Variants in TBC1D32 observed in about 807,000 individuals in gnomAD.
TBC1D32 encodes the protein protein broad-minded.
In TBC1D32, 151 loss-of-function variants were observed where a neutral mutation model predicts 170.3. That is an observed-to-expected ratio of 0.89 (90% confidence interval 0.78 to 1.01). The LOEUF (loss-of-function observed/expected upper bound fraction) is 1.01, where lower values mean the gene tolerates loss of function less well. TBC1D32 is among the 50% of genes least tolerant of loss of function. The pLI is 0.00. For synonymous variants in TBC1D32, 498 were observed against 488.0 expected (o/e 1.02, Z -0.27); for missense variants, 1,464 against 1,457.1 (o/e 1.00, Z -0.08).
chr6:121,210,042 GA>G (rs1054517514), intron 21 of TBC1D32, among the ~76,000 whole-genome samples: 3 of 152,168 alleles, frequency 2.0e-5, no homozygotes, highest in African/African-American at 7.2e-5. Flanking sequence ...TATATTAAAG[GA>G]AAAGGGTATT....
In TBC1D32 at chr6:121,160,938, C is replaced by A. The variant is rs761659341; in HGVS notation, c.2679+10G>T. ...AAAACACATCCCACTTCTCTTTGCC[C>A]CACACTCACCTTTTCGAGTAACCTC... On this transcript the variant is annotated intron_variant, in intron 23 of 31. Transcript: ENST00000398212. 21 of 1,606,360 alleles carry A rather than the reference C, an allele frequency of 1.3e-5. No individual in the cohort carries two copies. The highest frequency in any genetic ancestry group is 2.6e-6 in the Non-Finnish European group (3 of 1,173,288).
intron 8 of TBC1D32, 83 bp from the exon 9 acceptor site, chr6:121,303,844 T>C (rs1806899918): frequency 5.2e-6 from 5 of 965,518 alleles, no homozygotes; most frequent in Non-Finnish European, 7.1e-6. Flanking sequence ...TAAAGTAGCA[T>C]ATAATCTTCA....
intron 27 of TBC1D32, 97 bp from the exon 28 acceptor site, chr6:121,113,274 T>C (rs1779371624): frequency 1.5e-6 from 1 of 686,470 alleles, no homozygotes; most frequent in Non-Finnish European, 2.4e-6. Context: ...ACAGAGCACT[T>C]ATGAAAGATT....
At position 121,242,198 on chromosome 6, in the gene TBC1D32, T is replaced by A. The variant is rs935451898; in HGVS notation, c.2157+3A>T. ...TTTGCCTTTGGCAGATGGTAATTCA[T>A]ACCTGTAATTTTTTTGCATATCGAT... On this transcript the variant is annotated splice_donor_region_variant and intron_variant, in intron 18 of 31. Coordinates refer to ENST00000398212, the MANE Select transcript of TBC1D32 (RefSeq NM_152730.6). 4 of 1,610,396 alleles carry A rather than the reference T, an allele frequency of 2.5e-6. No individual in the cohort carries two copies. In the Admixed American group the frequency reaches 5.0e-5, roughly 20 times the overall value.
chr6:121,269,528 A>T (rs1455821478), intron 15 of TBC1D32, among the ~76,000 whole-genome samples: 1 of 152,186 alleles, frequency 6.6e-6, no homozygotes, highest in African/African-American at 2.4e-5. Context: ...ACATTACATA[A>T]TGGTAAAGGG....
chr6:121,097,268 G>A (rs975999212), intron 30 of TBC1D32, among the ~76,000 whole-genome samples: 1 of 152,028 alleles, frequency 6.6e-6, no homozygotes, highest in African/African-American at 2.4e-5. Context: ...GCAACCTACA[G>A]AATGGGAAAA....
intron 24 of TBC1D32, among the ~76,000 whole-genome samples, chr6:121,157,998 A>G (rs970931307): frequency 6.6e-6 from 1 of 151,982 alleles, no homozygotes; most frequent in Non-Finnish European, 1.5e-5. Flanking sequence ...GTCATCCTGT[A>G]TAGTATCTTG....
At chr6:121,095,909 C>T (rs1236841466) in intron 30 of TBC1D32, 1 of 152,118 alleles carries the variant, frequency 6.6e-6, no homozygotes, top group African/African-American at 2.4e-5. Flanking sequence ...GTGTGTGTCT[C>T]TGCCAGGTTT....
chr6:121,144,473 T>C (rs900429426), intron 24 of TBC1D32, among the ~76,000 whole-genome samples: 8 of 152,108 alleles, frequency 5.3e-5, no homozygotes, highest in African/African-American at 1.9e-4. Flanking sequence ...AGATTAGATG[T>C]GGGGTATAAA....
chr6:121,300,447 A>G (rs540601641), intron 9 of TBC1D32, among the ~76,000 whole-genome samples: 9 of 152,038 alleles, frequency 5.9e-5, no homozygotes, highest in African/African-American at 2.2e-4. Context: ...ACTCCATCTC[A>G]AAAAAAAGAA....
intron 4 of TBC1D32, among the ~76,000 whole-genome samples, chr6:121,310,452 T>C (rs1281472406): frequency 6.6e-6 from 1 of 152,094 alleles, no homozygotes; most frequent in African/African-American, 2.4e-5. Flanking sequence ...ATCTTTTTCT[T>C]AAGAAATGAC....
At chr6:121,183,669 TAA>T (rs1486965742) in intron 22 of TBC1D32, among the ~76,000 whole-genome samples, 1 of 152,112 alleles carries the variant, frequency 6.6e-6, no homozygotes, top group Non-Finnish European at 1.5e-5. Flanking sequence ...CTTTTTGTAA[TAA>T]GTGAATTAAA....
intron 26 of TBC1D32, 178 bp from the exon 27 acceptor site, chr6:121,115,419 CTTTTTACAAATAACT>C (rs1779595129): frequency 1.6e-5 from 7 of 433,236 alleles, no homozygotes; most frequent in Non-Finnish European, 2.8e-5. Flanking sequence ...TAACAGAAAA[CTTTTTACAAATAACT>C]TTTTCCCATA....
At chr6:121,146,685 CTAT>C (rs1783492131) in intron 24 of TBC1D32, among the ~76,000 whole-genome samples, 1 of 152,102 alleles carries the variant, frequency 6.6e-6, no homozygotes, top group Non-Finnish European at 1.5e-5. Context: ...CACAGAGAAA[CTAT>C]TATTACTCCT....
At chr6:121,240,877 CA>C (rs35249678) in intron 19 of TBC1D32, among the ~76,000 whole-genome samples, 2,645 of 84,192 alleles carry the variant, frequency 0.031, 66 homozygotes, top group East Asian at 0.17. Context: ...TTCTGTCTCA[CA>C]AAAAAAAAAA....
intron 4 of TBC1D32, among the ~76,000 whole-genome samples, chr6:121,309,183 T>A (rs1316610699): frequency 6.6e-6 from 1 of 152,208 alleles, no homozygotes; most frequent in Non-Finnish European, 1.5e-5. Flanking sequence ...ATTGAGAGAT[T>A]TAAGATTAGG....
At chr6:121,247,114 C>G (rs1427171280) in intron 17 of TBC1D32, among the ~76,000 whole-genome samples, 1 of 152,066 alleles carries the variant, frequency 6.6e-6, no homozygotes, top group East Asian at 1.9e-4. Context: ...ATCAGACTAA[C>G]AGTAGATTTC....
chr6:121,093,722 A>G (rs532220992), intron 30 of TBC1D32, among the ~76,000 whole-genome samples: 67 of 152,270 alleles, frequency 4.4e-4, no homozygotes, highest in African/African-American at 1.6e-3. Flanking sequence ...TATACATTCA[A>G]GCATTGTTTC....
intron 5 of TBC1D32, among the ~76,000 whole-genome samples, chr6:121,305,476 A>C (rs1415603613): frequency 1.3e-5 from 2 of 151,960 alleles, no homozygotes; most frequent in African/African-American, 4.8e-5. Context: ...GATTAATCCT[A>C]ATAGTGAAAT....
Sources: gnomAD v4.1 joint callset for allele counts (sites outside exome capture counted in the v4.1 genomes callset) on GRCh38, gnomAD v4.1.1 for gene constraint, MANE v1.5 for transcripts, NCBI Gene and HGNC (gene_info 2026-07-23, HGNC 2026-07-21) for gene names.